Variants in ASB3 observed in about 807,000 individuals in gnomAD.
The protein encoded by ASB3 is ankyrin repeat and SOCS box containing 3, also known as ankyrin repeat and SOCS box protein 3.
Under a neutral mutation model 54.5 loss-of-function variants are expected in ASB3, and 41 were observed. The ratio of observed to expected loss-of-function variants is 0.75; its 90% CI spans 0.59 to 0.98. The LOEUF (loss-of-function observed/expected upper bound fraction) is 0.98, where lower values mean the gene tolerates loss of function less well. ASB3 is among the 50% of genes least tolerant of loss of function. ASB3 has a pLI of 0.00. For synonymous variants in ASB3, 266 were observed against 221.2 expected (o/e 1.20, Z -1.80); for missense variants, 733 against 620.0 (o/e 1.18, Z -1.94).
rs1471341065 is a variant in ASB3, at chr2:53,695,794, G to A, written c.1239-1780C>T. ...TTCTATTATCCCATTAAATGGGGGT[G>A]GGGTGCGCAGGCAGAGGAATACTTA... On this transcript the variant is annotated intron_variant, in intron 8 of 9. Transcript: ENST00000263634. Among the ~76,000 whole-genome samples, 5 of 152,088 alleles carry A rather than the reference G, an allele frequency of 3.3e-5. No individual in the cohort carries two copies. The East Asian group carries it at 9.6e-4, about 29-fold the overall frequency.
At chr2:53,672,445 C>T (rs755585758) in intron 9 of ASB3, among the ~76,000 whole-genome samples, 1 of 152,110 alleles carries the variant, frequency 6.6e-6, no homozygotes, top group African/African-American at 2.4e-5. Context: ...TGCAGGAATA[C>T]ATATGGAAAG....
At chr2:53,766,142 C>A (rs986169907) in intron 1 of ASB3, among the ~76,000 whole-genome samples, 1 of 152,200 alleles carries the variant, frequency 6.6e-6, no homozygotes, top group Non-Finnish European at 1.5e-5. Context: ...AGAGGTTAAA[C>A]ACTCAGATTC....
intron 1 of ASB3, chr2:53,774,791 T>C: frequency 3.5e-6 from 1 of 286,454 alleles, no homozygotes; most frequent in Non-Finnish European, 6.4e-6. Flanking sequence ...AAGGACTCAG[T>C]TCAGTCTTGT....
intron 8 of ASB3, among the ~76,000 whole-genome samples, chr2:53,695,136 A>G (rs1405776499): frequency 6.6e-6 from 1 of 152,156 alleles, no homozygotes; most frequent in Non-Finnish European, 1.5e-5. Context: ...CAACAACTGA[A>G]GAAGGAAAGG....
At chr2:53,708,388 A>G (rs11676512) in intron 7 of ASB3, among the ~76,000 whole-genome samples, 16,503 of 152,254 alleles carry the variant, frequency 0.11, 1,091 homozygotes, top group Non-Finnish European at 0.15. Flanking sequence ...CTGTGGAACT[A>G]TGGGCCAATT....
chr2:53,713,875 T>C (rs1281164771), intron 7 of ASB3, among the ~76,000 whole-genome samples: 1 of 151,874 alleles, frequency 6.6e-6, no homozygotes, highest in Non-Finnish European at 1.5e-5. Context: ...ATGGTGCCAC[T>C]GCACTCCAGC....
intron 7 of ASB3, among the ~76,000 whole-genome samples, chr2:53,707,061 T>C (rs1164356361): frequency 6.6e-6 from 1 of 152,216 alleles, no homozygotes; most frequent in African/African-American, 2.4e-5. Context: ...AAAAATCAGC[T>C]GTAGGAGAGT....
chr2:53,686,980 A>T (rs1375782756), intron 9 of ASB3, among the ~76,000 whole-genome samples: 1 of 152,212 alleles, frequency 6.6e-6, no homozygotes, highest in African/African-American at 2.4e-5. Context: ...TTGGCCTCCC[A>T]AAGTACTGGG....
chr2:53,766,467 G>A (rs977723523), intron 1 of ASB3, among the ~76,000 whole-genome samples: 2 of 152,184 alleles, frequency 1.3e-5, no homozygotes, highest in Non-Finnish European at 2.9e-5. Flanking sequence ...GTTATTAGGA[G>A]AATGCCCTTA....
intron 2 of ASB3, among the ~76,000 whole-genome samples, chr2:53,758,444 C>A (rs1192169550): frequency 6.6e-6 from 1 of 152,340 alleles, no homozygotes; most frequent in Non-Finnish European, 1.5e-5. Flanking sequence ...GTTACCTACA[C>A]CCTCTCTGAA....
intron 1 of ASB3, chr2:53,768,009 G>T: frequency 1.2e-6 from 2 of 1,613,560 alleles, no homozygotes; most frequent in African/African-American, 2.7e-5. Flanking sequence ...ACCACCGCGG[G>T]GTCCCCGGCA....
intron 6 of ASB3, among the ~76,000 whole-genome samples, chr2:53,716,221 T>C (rs1670379876): frequency 2.0e-5 from 3 of 152,290 alleles, no homozygotes; most frequent in African/African-American, 4.8e-5. Flanking sequence ...GTAACATGGA[T>C]GGCCTCATCA....
chr2:53,747,917 AATGT>A (rs1342881522), intron 3 of ASB3, among the ~76,000 whole-genome samples: 2 of 152,214 alleles, frequency 1.3e-5, no homozygotes, highest in Non-Finnish European at 2.9e-5. Context: ...GTGTTTCGCA[AATGT>A]ATGTGATTAG....
At chr2:53,680,933 AT>A (rs1196977146) in intron 9 of ASB3, among the ~76,000 whole-genome samples, 1 of 152,056 alleles carries the variant, frequency 6.6e-6, no homozygotes, top group Admixed American at 6.6e-5. Flanking sequence ...ATCTCCATGA[AT>A]TCAACCACTT....
intron 9 of ASB3, among the ~76,000 whole-genome samples, chr2:53,680,495 G>C (rs62139788): frequency 0.31 from 46,385 of 152,068 alleles, 7,854 homozygotes; most frequent in South Asian, 0.49. Flanking sequence ...AATGATCAGT[G>C]ATGTCGAACT....
intron 2 of ASB3, among the ~76,000 whole-genome samples, chr2:53,756,588 T>A (rs768192750): frequency 6.6e-6 from 1 of 152,016 alleles, no homozygotes; most frequent in Non-Finnish European, 1.5e-5. Flanking sequence ...CCCTCACCAA[T>A]GTGGGCAGGC....
intron 9 of ASB3, among the ~76,000 whole-genome samples, chr2:53,682,619 G>A (rs546623902): frequency 3.9e-5 from 6 of 152,134 alleles, no homozygotes; most frequent in Admixed American, 1.3e-4. Flanking sequence ...TGGGATTACA[G>A]GTGCCTACCA....
At chr2:53,735,777 G>A (rs1671593632) in intron 3 of ASB3, among the ~76,000 whole-genome samples, 1 of 152,072 alleles carries the variant, frequency 6.6e-6, no homozygotes, top group South Asian at 2.1e-4. Flanking sequence ...AAGGTAGCAT[G>A]GTATTGGCAC....
intron 9 of ASB3, among the ~76,000 whole-genome samples, chr2:53,680,456 C>T (rs1668310110): frequency 6.6e-6 from 1 of 152,168 alleles, no homozygotes. Flanking sequence ...GAGATGGTAT[C>T]TCATTGTGGT....
Sources: allele counts gnomAD v4.1 joint callset (sites outside exome capture counted in the v4.1 genomes callset), GRCh38; gene constraint gnomAD v4.1.1; transcripts MANE v1.5; gene names NCBI Gene and HGNC (gene_info 2026-07-23, HGNC 2026-07-21).